Variants in PTK2B observed in about 807,000 individuals in gnomAD.
PTK2B encodes protein tyrosine kinase 2 beta.
In PTK2B, 71 loss-of-function variants were observed where a neutral mutation model predicts 142.9. The ratio of observed to expected loss-of-function variants is 0.50; its 90% CI spans 0.41 to 0.61. PTK2B has a LOEUF of 0.61. Ranked by LOEUF, PTK2B falls within the 20% of genes least tolerant of loss-of-function variation. The probability of loss-of-function intolerance (pLI) is 0.00; values close to 1 mark genes in which losing one functional copy is unlikely to be tolerated. For missense variants in PTK2B, 1,105 were observed against 1,320.4 expected (o/e 0.84, Z 2.53); for synonymous variants, 519 against 503.4 (o/e 1.03, Z -0.42).
intron 2 of PTK2B, among the ~76,000 whole-genome samples, chr8:27,411,105 G>A (rs909855374): frequency 6.6e-6 from 1 of 152,176 alleles, no homozygotes; most frequent in Non-Finnish European, 1.5e-5. Flanking sequence ...GGCACATATG[G>A]CAATCTAGTG....
chr8:27,423,014 CA>C (rs1388400960), intron 5 of PTK2B, among the ~76,000 whole-genome samples: 5 of 152,094 alleles, frequency 3.3e-5, no homozygotes, highest in African/African-American at 4.8e-5. Flanking sequence ...GAACAGGGGT[CA>C]GGGGAGATAC....
chr8:27,400,562 A>G (rs1808315989), intron 2 of PTK2B, among the ~76,000 whole-genome samples: 1 of 152,178 alleles, frequency 6.6e-6, no homozygotes, highest in Non-Finnish European at 1.5e-5. Context: ...AATAGAGATA[A>G]ATCAACGTAA....
chr8:27,315,071 C>T (rs1356794639), intron 3 of PTK2B, among the ~76,000 whole-genome samples: 2 of 152,228 alleles, frequency 1.3e-5, no homozygotes, highest in Non-Finnish European at 2.9e-5. Flanking sequence ...AATCTCAGAC[C>T]TTTAAAGTTC....
At chr8:27,362,274 C>T (rs926923211) in intron 1 of PTK2B, among the ~76,000 whole-genome samples, 5 of 152,124 alleles carry the variant, frequency 3.3e-5, no homozygotes, top group African/African-American at 1.2e-4. Flanking sequence ...CTGACCTGTC[C>T]TCCCCTCTCC....
intron 2 of PTK2B, among the ~76,000 whole-genome samples, chr8:27,408,814 G>A (rs1013870465): frequency 2.6e-5 from 4 of 152,212 alleles, no homozygotes; most frequent in East Asian, 1.9e-4. Flanking sequence ...GTCTGTATTA[G>A]TCTCCTAGGT....
chr8:27,454,208 G>A lies in PTK2B; in HGVS notation c.2650G>A (p.Val884Ile), dbSNP rs1193199403. 9.9e-6 allele frequency: 16 copies of A among 1,614,142 alleles called. No individual in the cohort carries two copies. Among genetic ancestry groups the A allele is most frequent in the Non-Finnish European group, 1.3e-5 (15 of 1,180,020 alleles). ...GACTGATGACCTGGTGTACCTCAAT[G>A]TCATGGAGCTGGTGCGGGCCGTGCT... ...DRTDDLVYLN[V>I]MELVRAVLEL... The change falls in exon 29 of 31, where the codon GTC becomes ATC. Residue 884 changes from valine (V) to isoleucine (I), a missense_variant. By Grantham distance (29) the Val-to-Ile change is conservative. Transcript: ENST00000346049.
At position 27,458,542 on chromosome 8, in the gene PTK2B, G is replaced by GCCCCTGCCTGCCATGTACCT. The variant is rs1812301243; in HGVS notation, c.*43_*62dup. On this transcript the variant is annotated 3_prime_UTR_variant, in exon 31 of 31. Coordinates refer to ENST00000346049, the MANE Select transcript of PTK2B (RefSeq NM_173176.3). ...TGGGGGCCACCTGCCTGCGTCTTCCGCCCCTGCCTGCCATGTACCTCCCCT... is the reference window on the plus strand; with the variant it reads ...TGGGGGCCACCTGCCTGCGTCTTCCGCCCCTGCCTGCCATGTACCTCCCCTGCCTGCCATGTACCTCCCCT... 1 of 1,541,280 alleles carries GCCCCTGCCTGCCATGTACCT rather than the reference G, an allele frequency of 6.5e-7. No homozygotes were observed. The highest frequency in any genetic ancestry group is 1.4e-5 in the African/African-American group (1 of 72,886).
intron 21 of PTK2B, among the ~76,000 whole-genome samples, chr8:27,441,662 T>A (rs764331917): frequency 1.2e-4 from 18 of 152,234 alleles, no homozygotes; most frequent in Non-Finnish European, 2.2e-4. Context: ...AAGGCATCTC[T>A]GTTCCTCTCT....
rs367977214 is a variant in PTK2B, at chr8:27,431,154, G to C, written c.810+138G>C. Reference sequence around the variant, plus strand: ...AGCAGGACCTCGCTGACCTGCCGTCGGTGGAAGTCAAAAGCATCCCCTTGC... The same window carrying C: ...AGCAGGACCTCGCTGACCTGCCGTCCGTGGAAGTCAAAAGCATCCCCTTGC... On this transcript the variant is annotated intron_variant, in intron 8 of 30. Coordinates refer to ENST00000346049, the MANE Select transcript of PTK2B (RefSeq NM_173176.3). 4.1e-6 allele frequency: 6 copies of C among 1,480,916 alleles called. No individual in the cohort carries two copies. In the African/African-American group the frequency reaches 4.2e-5, roughly 10 times the overall value. The allele number at this position is 1,480,916 out of a possible 1,614,324, so 91.7% of individuals were successfully genotyped here. A position where few individuals can be genotyped will look rare whatever the true frequency, so the allele number is the denominator to read the frequency against.
At chr8:27,372,236 A>T (rs939042854) in intron 1 of PTK2B, among the ~76,000 whole-genome samples, 1 of 152,214 alleles carries the variant, frequency 6.6e-6, no homozygotes, top group Non-Finnish European at 1.5e-5. Context: ...TATTAGTCCA[A>T]GTTCCCCAGA....
intron 1 of PTK2B, among the ~76,000 whole-genome samples, chr8:27,331,937 C>T (rs544136332): frequency 7.2e-5 from 11 of 152,326 alleles, no homozygotes; most frequent in African/African-American, 1.4e-4. Flanking sequence ...ACCCAGTCCC[C>T]GCCCCCAGGT....
chr8:27,368,162 A>G (rs1019866579), intron 1 of PTK2B, among the ~76,000 whole-genome samples: 1 of 152,202 alleles, frequency 6.6e-6, no homozygotes, highest in Non-Finnish European at 1.5e-5. Context: ...TGCGGGACGG[A>G]CGGGTGGCTC....
chr8:27,433,327 A>G (rs1178939181), intron 10 of PTK2B, 108 bp from the exon 11 acceptor site: 2 of 943,074 alleles, frequency 2.1e-6, no homozygotes. Context: ...CAGCATTGGC[A>G]TCCAGGCAAG....
At chr8:27,424,883 T>C (rs1809981372) in intron 5 of PTK2B, among the ~76,000 whole-genome samples, 1 of 151,706 alleles carries the variant, frequency 6.6e-6, no homozygotes, top group African/African-American at 2.4e-5. Flanking sequence ...AAAAAAAAAA[T>C]TGTATCATTT....
At chr8:27,412,297 C>T (rs891196500) in intron 2 of PTK2B, among the ~76,000 whole-genome samples, 1 of 152,154 alleles carries the variant, frequency 6.6e-6, no homozygotes, top group Non-Finnish European at 1.5e-5. Flanking sequence ...GTTGGTCTTT[C>T]CAGCATTGCA....
chr8:27,411,222 C>A (rs1274652986), intron 2 of PTK2B, among the ~76,000 whole-genome samples: 1 of 152,120 alleles, frequency 6.6e-6, no homozygotes, highest in East Asian at 1.9e-4. Context: ...GAGTGCTGAT[C>A]TTGCTGCCCC....
At chr8:27,423,962 AG>A (rs755798914) in intron 5 of PTK2B, among the ~76,000 whole-genome samples, 66 of 152,194 alleles carry the variant, frequency 4.3e-4, no homozygotes, top group Non-Finnish European at 4.6e-4. Context: ...CACTGCCATT[AG>A]TAATAATCAT....
intron 5 of PTK2B, among the ~76,000 whole-genome samples, chr8:27,424,905 A>T (rs933812369): frequency 4.9e-4 from 75 of 152,194 alleles, no homozygotes; most frequent in African/African-American, 1.8e-3. Context: ...CTAGCTTAAA[A>T]AAGAGGTATG....
At chr8:27,361,705 C>T (rs1157693777) in intron 1 of PTK2B, among the ~76,000 whole-genome samples, 2 of 152,084 alleles carry the variant, frequency 1.3e-5, no homozygotes, top group Admixed American at 6.5e-5. Flanking sequence ...TCTGGTATCC[C>T]AGGTGGTCTC....
Sources: allele counts gnomAD v4.1 joint callset (sites outside exome capture counted in the v4.1 genomes callset), GRCh38; gene constraint gnomAD v4.1.1; transcripts MANE v1.5; gene names NCBI Gene and HGNC (gene_info 2026-07-23, HGNC 2026-07-21).